BSCL2: variants seen among roughly 807,000 people sequenced by gnomAD.
BSCL2 encodes the protein seipin.
BSCL2 carries 41 observed loss-of-function variants against 57.4 expected under a neutral mutation model. The ratio of observed to expected loss-of-function variants is 0.71; its 90% CI spans 0.56 to 0.93. The LOEUF is 0.93. BSCL2 is among the 40% of genes least tolerant of loss of function. The probability of loss-of-function intolerance (pLI) is 0.00; values close to 1 mark genes in which losing one functional copy is unlikely to be tolerated. For missense variants in BSCL2, 539 were observed against 586.7 expected, an observed-to-expected ratio of 0.92 and a Z score of 0.84; for synonymous variants, 237 against 227.3, an observed-to-expected ratio of 1.04 and a Z score of -0.38.
chr11:62,708,970 G>T, upstream of BSCL2: 2 of 656,484 alleles, frequency 3.0e-6, no homozygotes, highest in Non-Finnish European at 5.4e-6. Context: ...CCTATCTGTC[G>T]ACCCCATTTC....
intron 2 of BSCL2, among the ~76,000 whole-genome samples, chr11:62,702,875 C>G (rs1945686100): frequency 2.0e-5 from 3 of 151,876 alleles, no homozygotes; most frequent in African/African-American, 7.3e-5. Context: ...CAGGGCCAAG[C>G]AGCAGCGGCT....
At chr11:62,706,934 G>A in intron 1 of BSCL2, among the ~76,000 whole-genome samples, 175 bp downstream of exon 1, 1 of 152,322 alleles carries the variant, frequency 6.6e-6, no homozygotes, top group East Asian at 1.9e-4. Context: ...CCCAGATAAA[G>A]TCCTTCAGAG....
At chr11:62,701,700 C>T (rs867088345) in intron 3 of BSCL2, among the ~76,000 whole-genome samples, 17 of 151,808 alleles carry the variant, frequency 1.1e-4, no homozygotes, top group African/African-American at 3.1e-4. Flanking sequence ...GGTGTGGTGG[C>T]GCGCTCCTGT....
chr11:62,704,696 A>ACACTGCAC (rs1304912300), intron 2 of BSCL2, among the ~76,000 whole-genome samples: 1 of 152,230 alleles, frequency 6.6e-6, no homozygotes, highest in Non-Finnish European at 1.5e-5. Flanking sequence ...CAGTGAGCAG[A>ACACTGCAC]CACTGCACCA....
chr11:62,706,461 C>T, intron 1 of BSCL2: 2 of 405,496 alleles, frequency 4.9e-6, no homozygotes, highest in South Asian at 3.9e-5. Flanking sequence ...GCCACTGGCT[C>T]TCTCTGCGGC....
chr11:62,708,622 G>A (rs748663729), upstream of BSCL2: 41 of 1,599,628 alleles, frequency 2.6e-5, no homozygotes, highest in South Asian at 4.6e-4. Flanking sequence ...GGGGAGGGAG[G>A]CTGCAGTCCC....
intron 2 of BSCL2, among the ~76,000 whole-genome samples, chr11:62,702,908 T>C (rs1945687153): frequency 6.6e-6 from 1 of 151,970 alleles, no homozygotes; most frequent in Admixed American, 6.6e-5. Flanking sequence ...CCCAGCACTT[T>C]TGGAGGCCGA....
At chr11:62,708,298 G>A, upstream of BSCL2, 1 of 1,607,704 alleles carries the variant, frequency 6.2e-7, no homozygotes. Context: ...TTTCCAGGAT[G>A]AAAGGTGAGA....
chr11:62,709,230 G>A (rs1277462914), upstream of BSCL2: 1 of 455,238 alleles, frequency 2.2e-6, no homozygotes, highest in Admixed American at 2.3e-5. Flanking sequence ...AATTCTTGGG[G>A]GGAGAGGATC....
intron 1 of BSCL2, chr11:62,706,329 GC>G (rs1415685653): frequency 8.9e-7 from 1 of 1,123,444 alleles, no homozygotes; most frequent in Non-Finnish European, 1.1e-6. Flanking sequence ...GCCCCTCTCC[GC>G]CGGCCGCTTT....
chr11:62,704,923 A>G (rs1945774338), intron 2 of BSCL2, among the ~76,000 whole-genome samples: 1 of 152,114 alleles, frequency 6.6e-6, no homozygotes, highest in Non-Finnish European at 1.5e-5. Context: ...TAAAAAGCAA[A>G]CTGCTGCTTT....
At chr11:62,706,705 T>C (rs2083546369) in intron 1 of BSCL2, 1 of 486,508 alleles carries the variant, frequency 2.1e-6, no homozygotes, top group South Asian at 1.5e-5. Context: ...CTAGGACCTG[T>C]AGGCATCTAA....
At chr11:62,701,635 T>C (rs1016108753) in intron 3 of BSCL2, among the ~76,000 whole-genome samples, 6 of 151,896 alleles carry the variant, frequency 4.0e-5, no homozygotes, top group Admixed American at 1.3e-4. Flanking sequence ...ATCCAGACCA[T>C]CCTGGCCAAC....
chr11:62,708,545 C>A (rs2083581585), upstream of BSCL2: 1 of 1,348,564 alleles, frequency 7.4e-7, no homozygotes, highest in Non-Finnish European at 1.0e-6. Flanking sequence ...GTCCCCAGGC[C>A]TCTGGGGGGG....
At chr11:62,705,020 G>C (rs1945777938) in intron 2 of BSCL2, among the ~76,000 whole-genome samples, 1 of 151,952 alleles carries the variant, frequency 6.6e-6, no homozygotes, top group Admixed American at 6.6e-5. Flanking sequence ...CTGAGAGAGG[G>C]GTGATCCAAC....
chr11:62,698,267 C>T (rs774017773), intron 3 of BSCL2, among the ~76,000 whole-genome samples: 15 of 151,190 alleles, frequency 9.9e-5, no homozygotes, highest in Non-Finnish European at 1.9e-4. Flanking sequence ...GGCATGATGT[C>T]GGCTCACTGT....
intron 1 of BSCL2, chr11:62,706,377 G>T: frequency 1.0e-6 from 1 of 979,314 alleles, no homozygotes; most frequent in Non-Finnish European, 1.3e-6. Context: ...CCCAGGGCGG[G>T]GTCCAGCACG....
In BSCL2 at chr11:62,694,691, C is replaced by T. The variant is rs145393127; in HGVS notation, c.507G>A (p.Pro169=). Residue 169 remains proline, a synonymous_variant, in exon 4 of 11, where the codon CCG becomes CCA. Coordinates refer to ENST00000360796, the MANE Select transcript of BSCL2 (RefSeq NM_001122955.4). ...GRDRVLMYGQ[P]YRVTLELELP... ...GCTCAAGCTCTAAGGTAACACGATA[C>T]GGCTGTCCATACATCAGCACCTGCC... is the stretch of plus-strand genomic sequence containing the variant. 2.4e-5 allele frequency: 39 copies of T among 1,614,006 alleles called. No individual in the cohort carries two copies. The highest frequency in any genetic ancestry group is 1.6e-4 in the Middle Eastern group (1 of 6,084).
intron 6 of BSCL2, among the ~76,000 whole-genome samples, chr11:62,692,162 G>A (rs1207125741): frequency 6.6e-6 from 1 of 152,034 alleles, no homozygotes; most frequent in Non-Finnish European, 1.5e-5. Context: ...GAGGGTTGGG[G>A]GGACAAAAAA....
Sources: allele counts gnomAD v4.1 joint callset (sites outside exome capture counted in the v4.1 genomes callset), GRCh38; gene constraint gnomAD v4.1.1; transcripts MANE v1.5; gene names NCBI Gene and HGNC (gene_info 2026-07-23, HGNC 2026-07-21).